The following PPRC1 variants were observed in gnomAD, a reference collection of about 807,000 sequenced individuals.
PPRC1 encodes PPARG related coactivator 1.
A neutral mutation model predicts 132.5 loss-of-function variants in PPRC1; 23 were observed. That is an observed-to-expected ratio of 0.17 (90% CI 0.12 to 0.25). The LOEUF (loss-of-function observed/expected upper bound fraction) is 0.25, where lower values mean the gene tolerates loss of function less well. PPRC1 is among the 10% of genes least tolerant of loss of function. The pLI, the probability that PPRC1 is intolerant of heterozygous loss-of-function variation, is 1.00. For missense variants in PPRC1, 2,006 were observed against 2,089.1 expected, an observed-to-expected ratio of 0.96 and a Z score of 0.78; for synonymous variants, 872 against 833.5, an observed-to-expected ratio of 1.05 and a Z score of -0.80.
chr10:102,122,288 G>A, the PPRC1 span, among the ~76,000 whole-genome samples: 12,224 of 152,082 alleles, frequency 0.08, 618 homozygotes, highest in African/African-American at 0.14. Flanking sequence ...AGGTTTGAAC[G>A]CAAGATTCGC....
the PPRC1 span, among the ~76,000 whole-genome samples, chr10:102,120,711 C>T: frequency 2.0e-5 from 3 of 152,088 alleles, no homozygotes; most frequent in Non-Finnish European, 4.4e-5. Context: ...AGAGGGAGGG[C>T]GAAGGGGAGG....
intron 6 of PPRC1, 70 bp downstream of exon 6, chr10:102,143,168 T>C (rs2069072252): frequency 6.9e-7 from 1 of 1,440,122 alleles, no homozygotes; most frequent in African/African-American, 1.4e-5. Flanking sequence ...AGCCCTGTAG[T>C]TGCTTAAACT....
Position 102,139,536 on chromosome 10 carries a change from G to A in PPRC1, c.1028G>A (p.Cys343Tyr). The change falls in exon 5 of 14, where the codon TGC becomes TAC. Residue 343 changes from cysteine to tyrosine, a missense_variant. Transcript: ENST00000278070. ...QPDDLTLPEG[C>Y]VVLEIVGQAA... is the part of the protein sequence containing the mutation. Reference sequence around the variant, plus strand: ...GATGATTTGACACTGCCTGAGGGCTGCGTAGTGCTGGAGATTGTGGGGCAG... The same window carrying A: ...GATGATTTGACACTGCCTGAGGGCTACGTAGTGCTGGAGATTGTGGGGCAG... The A allele has an allele frequency of 6.2e-7, 1 of 1,613,970 alleles. No homozygotes were observed. The highest frequency in any genetic ancestry group is 2.2e-5 in the East Asian group (1 of 44,884).
At chr10:102,134,566 G>T (rs184094573) in intron 1 of PPRC1, among the ~76,000 whole-genome samples, 1 of 152,172 alleles carries the variant, frequency 6.6e-6, no homozygotes, top group South Asian at 2.1e-4. Flanking sequence ...GCTGCAGGCT[G>T]CCTGGTAATA....
In PPRC1 at chr10:102,140,945, A is replaced by G; in HGVS notation, c.2437A>G (p.Thr813Ala). 1 of 1,613,916 alleles carries G rather than the reference A, an allele frequency of 6.2e-7. No individual in the cohort carries two copies. Among genetic ancestry groups the G allele is most frequent in the Non-Finnish European group, 8.5e-7 (1 of 1,179,956 alleles). ...KKTALQRSPETPLEICLVPVG... is the reference protein window; with the variant it reads ...KKTALQRSPEAPLEICLVPVG... ...GACAGCTCTGCAGAGAAGCCCTGAA[A>G]CACCCCTTGAGATTTGCCTTGTGCC... Residue 813 changes from threonine (T) to alanine (A), a missense_variant, in exon 5 of 14, where the codon ACA becomes GCA. Thr to Ala is a moderately conservative substitution (Grantham distance 58). Coordinates refer to ENST00000278070, the MANE Select transcript of PPRC1 (RefSeq NM_015062.5).
chr10:102,121,323 C>T, the PPRC1 span, among the ~76,000 whole-genome samples: 1 of 152,194 alleles, frequency 6.6e-6, no homozygotes. Context: ...ACCCCCCTGC[C>T]TGGAAGCTGC....
rs908130858 is a variant in PPRC1 at position 102,140,911 on chromosome 10, A to G, written c.2403A>G (p.Pro801=). ...DIPCLVIPPA[P]AKKTALQRSP... ...CTTGTCTTGTCATCCCACCAGCCCCAGCCAAGAAGACAGCTCTGCAGAGAA... is the reference window on the plus strand; with the variant it reads ...CTTGTCTTGTCATCCCACCAGCCCCGGCCAAGAAGACAGCTCTGCAGAGAA... Residue 801 remains proline, a synonymous_variant, in exon 5 of 14, where the codon CCA becomes CCG. Transcript: ENST00000278070. The G allele has an allele frequency of 1.9e-6, 3 of 1,613,898 alleles. No individual in the cohort carries two copies. The highest frequency in any genetic ancestry group is 2.5e-6 in the Non-Finnish European group (3 of 1,180,012).
chr10:102,131,377 C>G (rs1031189027), upstream of PPRC1, among the ~76,000 whole-genome samples: 1 of 149,962 alleles, frequency 6.7e-6, no homozygotes, highest in Non-Finnish European at 1.5e-5. Context: ...GAGTAAAACC[C>G]TATTGTCTAA....
chr10:102,128,513 T>C (rs1406278389), upstream of PPRC1, among the ~76,000 whole-genome samples: 2 of 152,022 alleles, frequency 1.3e-5, no homozygotes, highest in Non-Finnish European at 2.9e-5. Flanking sequence ...GGCACTTTGA[T>C]TTCCCCAGAG....
In PPRC1 at chr10:102,140,030, C is replaced by T. The variant is rs1187349042; in HGVS notation, c.1522C>T (p.Leu508Phe). Residue 508 changes from leucine (L) to phenylalanine (F), a missense_variant, in exon 5 of 14, where the codon CTT becomes TTT. Leu to Phe is a conservative substitution (Grantham distance 22). This residue lies in a region of PPRC1 where 1,914 missense variants were observed against 1,917.2 expected (regional missense o/e 1.00). Coordinates refer to ENST00000278070, the MANE Select transcript of PPRC1 (RefSeq NM_015062.5). ...DNLQKQPQEE[L>F]QKESGPLQGK... ...CTTGCAGAAACAGCCTCAGGAAGAA[C>T]TTCAAAAAGAGTCTGGGCCTCTCCA... is the stretch of plus-strand genomic sequence containing the variant. 3.7e-6 allele frequency: 6 copies of T among 1,614,078 alleles called. No individual in the cohort carries two copies. In the African/African-American group the frequency reaches 8.0e-5, roughly 22 times the overall value.
chr10:102,139,664 G>C lies in PPRC1; in HGVS notation c.1156G>C (p.Ala386Pro). 1 of 1,614,038 alleles carries C rather than the reference G, an allele frequency of 6.2e-7. No individual in the cohort carries two copies. ...LLDDSLETSS[A>P]LQLLMPTLES... The stretch of plus-strand genomic sequence containing the variant: ...GGATGACTCGCTAGAGACTAGTTCT[G>C]CCTTGCAGCTGCTTATGCCTACACT... The change falls in exon 5 of 14, where the codon GCC becomes CCC. Residue 386 changes from alanine to proline, a missense_variant. Ala to Pro is a conservative substitution (Grantham distance 27). Around this residue, in one of 2 missense-constraint regions of PPRC1, gnomAD observed 1,914 missense variants for 1,917.2 expected, o/e 1.00. Transcript: ENST00000278070.
intron 5 of PPRC1, among the ~76,000 whole-genome samples, chr10:102,142,765 G>C (rs888883152): frequency 6.6e-6 from 1 of 152,064 alleles, no homozygotes; most frequent in African/African-American, 2.4e-5. Context: ...GGCTGGACTT[G>C]AACTCCTGGG....
chr10:102,144,480 T>G (rs1590349183), intron 7 of PPRC1, 173 bp downstream of exon 7: 1 of 649,296 alleles, frequency 1.5e-6, no homozygotes, highest in African/African-American at 1.8e-5. Flanking sequence ...GTGTCTTGGG[T>G]GGTGAGGTGA....
chr10:102,145,153 C>A, intron 8 of PPRC1, 63 bp downstream of exon 8: 1 of 1,465,780 alleles, frequency 6.8e-7, no homozygotes, highest in Non-Finnish European at 9.5e-7. Flanking sequence ...GCTGAGCCTA[C>A]TCCAAATCCA....
chr10:102,120,705 G>A, the PPRC1 span, among the ~76,000 whole-genome samples: 1 of 152,306 alleles, frequency 6.6e-6, no homozygotes, highest in African/African-American at 2.4e-5. Context: ...CCCCAGAGAG[G>A]GAGGGCGAAG....
rs1350570863 is a variant in PPRC1 at position 102,148,428 on chromosome 10, C to T, written c.4457C>T (p.Ser1486Leu). ...SRRCSSSSSS[S>L]SSSSSSSSSS... ...AGATGCTCTTCCTCTTCTTCGTCAT[C>T]ATCTTCCTCTTCGTCTTCCTCATCC... The change falls in exon 10 of 14, where the codon TCA becomes TTA. Residue 1486 changes from serine to leucine, a missense_variant. By Grantham distance (145) the Ser-to-Leu change is moderately radical. Transcript: ENST00000278070. This position sits in a 1 kb window ranked among gnomAD's most constrained non-coding sequence, Gnocchi z 4.2. 1.9e-6 allele frequency: 3 copies of T among 1,611,852 alleles called. No individual in the cohort carries two copies. The South Asian group carries it at 3.3e-5, about 18-fold the overall frequency.
At chr10:102,126,445 T>C in the PPRC1 span, among the ~76,000 whole-genome samples, 33 of 152,014 alleles carry the variant, frequency 2.2e-4, no homozygotes, top group African/African-American at 7.7e-4. Context: ...GGAACCTAGT[T>C]TGTGAACTAT....
the PPRC1 span, among the ~76,000 whole-genome samples, chr10:102,121,254 C>G: frequency 1.3e-5 from 2 of 152,098 alleles, no homozygotes; most frequent in Admixed American, 6.6e-5. Context: ...TCCCTTCCCC[C>G]CTTTCTCCAG....
chr10:102,142,400 CTTTTTTTTTTTTTTTTTTTT>C (rs71016364), intron 5 of PPRC1, among the ~76,000 whole-genome samples: 18 of 61,234 alleles, frequency 2.9e-4, no homozygotes, highest in South Asian at 1.1e-3. Flanking sequence ...TGCACCATGC[CTTTTTTTTTTTTTTTTTTTT>C]TTTTTTTTTT....
Sources: allele counts gnomAD v4.1 joint callset (sites outside exome capture counted in the v4.1 genomes callset), GRCh38; gene constraint gnomAD v4.1.1; regional missense constraint gnomAD v4.1.1; non-coding constraint Gnocchi (gnomAD v3.1); transcripts MANE v1.5; gene names NCBI Gene and HGNC (gene_info 2026-07-23, HGNC 2026-07-21).